The following RORA variants were observed in gnomAD, a reference collection of about 807,000 sequenced individuals.
RORA encodes the protein RAR related orphan receptor A.
In RORA, 7 loss-of-function variants were observed where a neutral mutation model predicts 69.5. That is an observed-to-expected ratio of 0.10 (90% CI 0.06 to 0.19). The LOEUF (loss-of-function observed/expected upper bound fraction) is 0.19. RORA is among the 10% of genes least tolerant of loss of function. The probability of loss-of-function intolerance (pLI) is 1.00; values close to 1 mark genes in which losing one functional copy is unlikely to be tolerated. For missense variants in RORA, 457 were observed against 663.0 expected (o/e 0.69, Z 3.41); for synonymous variants, 261 against 240.8 (o/e 1.08, Z -0.78).
intron 1 of RORA, among the ~76,000 whole-genome samples, chr15:60,907,753 AC>A (rs1406016001): frequency 6.6e-6 from 1 of 152,118 alleles, no homozygotes; most frequent in East Asian, 1.9e-4. Flanking sequence ...GCCAACACGT[AC>A]AAATAGCATT....
chr15:60,828,989 T>C (rs2140388488), intron 1 of RORA, among the ~76,000 whole-genome samples: 1 of 152,282 alleles, frequency 6.6e-6, no homozygotes, highest in South Asian at 2.1e-4. Flanking sequence ...ACATCAGGTG[T>C]CCCTCTCCCC....
chr15:60,961,741 C>T (rs965396983), intron 1 of RORA, among the ~76,000 whole-genome samples: 5 of 152,194 alleles, frequency 3.3e-5, no homozygotes, highest in African/African-American at 1.2e-4. Flanking sequence ...GCACTGAGAA[C>T]CGCCAGCTCA....
chr15:61,127,753 C>T lies in RORA; in HGVS notation c.166+101300G>A, dbSNP rs368496028. On this transcript the variant is annotated intron_variant, in intron 1 of 10. Coordinates refer to ENST00000335670, the MANE Select transcript of RORA (RefSeq NM_134261.3). ...ATATTTTTCAATAGTTGTCCTTGAG[C>T]TCATTTGTCATCATTAACACGGGCC... 1.1e-3 allele frequency among the ~76,000 whole-genome samples: 174 copies of T among 152,272 alleles called. 1 individual carries two copies. The South Asian group carries it at 0.015, about 13-fold the overall frequency.
chr15:60,507,696 A>C (rs980419584), intron 5 of RORA, among the ~76,000 whole-genome samples: 1 of 152,154 alleles, frequency 6.6e-6, no homozygotes, highest in African/African-American at 2.4e-5. Context: ...TTTTGGAAAG[A>C]ACTCTCACTA....
intron 1 of RORA, among the ~76,000 whole-genome samples, chr15:60,775,700 A>T (rs1341442251): frequency 6.6e-6 from 1 of 152,202 alleles, no homozygotes; most frequent in Non-Finnish European, 1.5e-5. Context: ...CCTGGGGGGA[A>T]ACAACGGTCT....
chr15:60,778,887 G>A (rs1196571630), intron 1 of RORA, among the ~76,000 whole-genome samples: 1 of 152,116 alleles, frequency 6.6e-6, no homozygotes, highest in African/African-American at 2.4e-5. Flanking sequence ...GTGAGGGAGT[G>A]GGACGGACTG....
chr15:61,153,668 A>G (rs549021060), intron 1 of RORA, among the ~76,000 whole-genome samples: 1 of 152,338 alleles, frequency 6.6e-6, no homozygotes, highest in East Asian at 1.9e-4. Flanking sequence ...TTTGGGCATG[A>G]TCAGCTGTAA....
At chr15:60,661,577 G>A (rs1157822717) in intron 2 of RORA, among the ~76,000 whole-genome samples, 1 of 152,134 alleles carries the variant, frequency 6.6e-6, no homozygotes, top group Non-Finnish European at 1.5e-5. Context: ...CCAGGTAAAG[G>A]GTTTCTCCCA....
intron 1 of RORA, among the ~76,000 whole-genome samples, chr15:60,990,718 A>G (rs964285040): frequency 6.6e-6 from 1 of 152,208 alleles, no homozygotes; most frequent in Non-Finnish European, 1.5e-5. Flanking sequence ...ATCCAAGCCC[A>G]AACACCCACA....
chr15:60,817,467 G>T (rs1481950878), intron 1 of RORA, among the ~76,000 whole-genome samples: 1 of 152,212 alleles, frequency 6.6e-6, no homozygotes, highest in African/African-American at 2.4e-5. Flanking sequence ...GTAAAGCGGT[G>T]CAATAAGATG....
intron 1 of RORA, among the ~76,000 whole-genome samples, chr15:60,938,331 T>A (rs1463371861): frequency 6.6e-6 from 1 of 152,190 alleles, no homozygotes; most frequent in Non-Finnish European, 1.5e-5. Context: ...CTTCACCCTA[T>A]CATTCCATTT....
chr15:61,184,986 C>CAAA (rs775960162), intron 1 of RORA, among the ~76,000 whole-genome samples: 21,940 of 55,818 alleles, frequency 0.39, 3,656 homozygotes, highest in Non-Finnish European at 0.49. Context: ...CCCTGTCTCT[C>CAAA]AAAAAAAAAA....
chr15:60,848,673 A>AC (rs2073292853), intron 1 of RORA: 1 of 154,032 alleles, frequency 6.5e-6, no homozygotes, highest in African/African-American at 2.4e-5. Flanking sequence ...GCCTCAGGAA[A>AC]CTTACGATCA....
At chr15:60,891,543 G>A (rs775393089) in intron 1 of RORA, among the ~76,000 whole-genome samples, 14 of 152,138 alleles carry the variant, frequency 9.2e-5, no homozygotes, top group Non-Finnish European at 1.8e-4. Flanking sequence ...AAAGTCAAAC[G>A]GGCAGCAAGA....
chr15:60,742,086 T>G (rs1282604443), intron 1 of RORA, among the ~76,000 whole-genome samples: 4 of 152,072 alleles, frequency 2.6e-5, no homozygotes, highest in Non-Finnish European at 5.9e-5. Flanking sequence ...TGACTACAAC[T>G]GGAGATATAT....
In RORA at chr15:60,852,082, G is replaced by A. The variant is rs192045751; in HGVS notation, c.167-173396C>T. ...AATCCCTGACAGGCCCTGTCAGAGG[G>A]ATCCCTGCCCCGATGGCACACCAGC... On this transcript the variant is annotated intron_variant, in intron 1 of 10. Transcript: ENST00000335670. Among the ~76,000 whole-genome samples, 11 of 152,298 alleles carry A rather than the reference G, an allele frequency of 7.2e-5. No individual in the cohort carries two copies. The East Asian group carries it at 2.1e-3, about 29-fold the overall frequency.
At chr15:60,497,668 A>C (rs1244580006) in intron 10 of RORA, 49 bp from the exon 11 acceptor site, 1 of 1,472,788 alleles carries the variant, frequency 6.8e-7, no homozygotes, top group African/African-American at 1.4e-5. Context: ...AGGCATAAGC[A>C]TCAAAGATCA....
At chr15:60,636,191 A>T (rs1384361188) in intron 2 of RORA, among the ~76,000 whole-genome samples, 1 of 152,300 alleles carries the variant, frequency 6.6e-6, no homozygotes, top group Middle Eastern at 3.4e-3. Flanking sequence ...CCCTTTCCTG[A>T]ACAAGAAACC....
intron 1 of RORA, among the ~76,000 whole-genome samples, chr15:60,751,205 A>G (rs865816542): frequency 5.3e-5 from 8 of 152,180 alleles, no homozygotes; most frequent in African/African-American, 1.9e-4. Flanking sequence ...CAACCTGTCC[A>G]TGGTTCACTT....
Sources: gnomAD v4.1 joint callset for allele counts (sites outside exome capture counted in the v4.1 genomes callset) on GRCh38, gnomAD v4.1.1 for gene constraint, MANE v1.5 for transcripts, NCBI Gene and HGNC (gene_info 2026-07-23, HGNC 2026-07-21) for gene names.